The following JARID2 variants were observed in gnomAD, a reference collection of about 807,000 sequenced individuals.
The protein encoded by JARID2 is jumonji and AT-rich interaction domain containing 2, also known as protein Jumonji.
In JARID2, 21 loss-of-function variants were observed where a neutral mutation model predicts 125.6. The ratio of observed to expected loss-of-function variants is 0.17; its 90% CI spans 0.12 to 0.24. The LOEUF is 0.24. JARID2 is among the 10% of genes least tolerant of loss of function. The pLI, the probability that JARID2 is intolerant of heterozygous loss-of-function variation, is 1.00. For missense variants in JARID2, 1,303 were observed against 1,639.6 expected (o/e 0.79, Z 3.55); for synonymous variants, 736 against 661.6 (o/e 1.11, Z -1.73).
At chr6:15,491,778 G>A (rs1054943609) in intron 6 of JARID2, among the ~76,000 whole-genome samples, 1 of 152,114 alleles carries the variant, frequency 6.6e-6, no homozygotes, top group African/African-American at 2.4e-5. Context: ...CGGTGGTGGG[G>A]TGGAGAAAAA....
At chr6:15,284,158 C>G (rs1401138303) in intron 1 of JARID2, among the ~76,000 whole-genome samples, 3 of 152,078 alleles carry the variant, frequency 2.0e-5, no homozygotes, top group African/African-American at 4.8e-5. Context: ...AATTATCTTT[C>G]TTTTTATTAC....
At position 15,374,152 on chromosome 6, in the gene JARID2, G is replaced by C; in HGVS notation, c.81G>C (p.Arg27=). 1 of 1,614,140 alleles carries C rather than the reference G, an allele frequency of 6.2e-7. No individual in the cohort carries two copies. Among genetic ancestry groups the C allele is most frequent in the Non-Finnish European group, 8.5e-7 (1 of 1,179,974 alleles). Residue 27 remains arginine (R), a synonymous_variant, in exon 2 of 18, where the codon CGG becomes CGC. Coordinates refer to ENST00000341776, the MANE Select transcript of JARID2 (RefSeq NM_004973.4). ...ATGGGATTCCGTGGTCAGAAGAACG[G>C]GTGGTACGTAAAGTCCTTTATTTGT... ...DSDGIPWSEE[R]VVRKVLYLSL...
At chr6:15,285,376 C>G (rs145244762) in intron 1 of JARID2, among the ~76,000 whole-genome samples, 1 of 152,052 alleles carries the variant, frequency 6.6e-6, no homozygotes, top group African/African-American at 2.4e-5. Context: ...CCGCCTGCCT[C>G]GGCCTCCTAA....
chr6:15,340,844 T>G (rs1377370019), intron 1 of JARID2, among the ~76,000 whole-genome samples: 1 of 152,200 alleles, frequency 6.6e-6, no homozygotes, highest in East Asian at 1.9e-4. Context: ...TTATGACCTA[T>G]CTGAAGTCCT....
chr6:15,497,650 C>CA (rs67874437), intron 7 of JARID2, among the ~76,000 whole-genome samples: 3,823 of 133,430 alleles, frequency 0.029, 121 homozygotes, highest in African/African-American at 0.06. Flanking sequence ...GATTCCGTCT[C>CA]AAAAAAAAAA....
At chr6:15,473,898 CT>C (rs1231148516) in intron 5 of JARID2, among the ~76,000 whole-genome samples, 1 of 152,170 alleles carries the variant, frequency 6.6e-6, no homozygotes, top group Non-Finnish European at 1.5e-5. Flanking sequence ...ACTTGGAATG[CT>C]CCTCCGATTT....
intron 3 of JARID2, among the ~76,000 whole-genome samples, chr6:15,428,783 G>A (rs562384862): frequency 6.6e-6 from 1 of 152,108 alleles, no homozygotes; most frequent in East Asian, 1.9e-4. Flanking sequence ...GCACACACGT[G>A]TAATCCCAGC....
intron 1 of JARID2, among the ~76,000 whole-genome samples, chr6:15,286,566 T>C (rs62397317): frequency 6.6e-6 from 1 of 151,356 alleles, no homozygotes; most frequent in South Asian, 2.1e-4. Flanking sequence ...AGTGTTTCGA[T>C]TGAAATTTTG....
rs539724285 is a variant in JARID2 at position 15,317,170 on chromosome 6, A to G, written c.46-56947A>G. ...GCAGTAGAATTTTTTTTCATCAGAA[A>G]TAATTTCTTCCTGTCCCTCTGTGAA... On this transcript the variant is annotated intron_variant, in intron 1 of 17. Coordinates refer to ENST00000341776, the MANE Select transcript of JARID2 (RefSeq NM_004973.4). Among the ~76,000 whole-genome samples the G allele has an allele frequency of 2.0e-5, 3 of 152,324 alleles. No homozygotes were observed. In the South Asian group the frequency reaches 6.2e-4, roughly 32 times the overall value.
At chr6:15,304,453 T>A (rs1761748663) in intron 1 of JARID2, among the ~76,000 whole-genome samples, 1 of 152,006 alleles carries the variant, frequency 6.6e-6, no homozygotes, top group Admixed American at 6.6e-5. Flanking sequence ...TCCCAGTCCG[T>A]CCAAGTTGCA....
chr6:15,457,085 A>G (rs1384096064), intron 4 of JARID2, among the ~76,000 whole-genome samples: 2 of 152,074 alleles, frequency 1.3e-5, no homozygotes, highest in Non-Finnish European at 2.9e-5. Flanking sequence ...TTTTCCTGAA[A>G]TGATATTGCA....
At chr6:15,265,378 A>C (rs1042034343) in intron 1 of JARID2, among the ~76,000 whole-genome samples, 7 of 151,056 alleles carry the variant, frequency 4.6e-5, no homozygotes, top group South Asian at 2.1e-4. Context: ...AAAAAAAAAA[A>C]ACAAAAAAAA....
intron 1 of JARID2, among the ~76,000 whole-genome samples, chr6:15,313,544 G>A (rs1391880751): frequency 1.3e-5 from 2 of 152,330 alleles, no homozygotes; most frequent in East Asian, 3.9e-4. Flanking sequence ...AGCCAGGGTT[G>A]CTGTTCACAT....
At chr6:15,415,228 A>G (rs1441968980) in intron 3 of JARID2, among the ~76,000 whole-genome samples, 2 of 152,198 alleles carry the variant, frequency 1.3e-5, no homozygotes, top group African/African-American at 4.8e-5. Context: ...CTACACAGAC[A>G]TGGCAACCAT....
chr6:15,491,243 A>G (rs947705401), intron 6 of JARID2, among the ~76,000 whole-genome samples: 1 of 152,242 alleles, frequency 6.6e-6, no homozygotes, highest in Non-Finnish European at 1.5e-5. Context: ...TGACTCAGTT[A>G]CATTGCCTTC....
intron 1 of JARID2, among the ~76,000 whole-genome samples, chr6:15,254,947 C>T (rs1302041353): frequency 6.6e-6 from 1 of 151,058 alleles, no homozygotes; most frequent in Non-Finnish European, 1.5e-5. Flanking sequence ...AAGGCCGAGG[C>T]AGGAGAATTA....
chr6:15,279,148 A>G (rs11751391), intron 1 of JARID2, among the ~76,000 whole-genome samples: 15,343 of 134,902 alleles, frequency 0.11, 1,012 homozygotes, highest in South Asian at 0.2. Flanking sequence ...ATATATACAT[A>G]TATTCATATA....
chr6:15,418,641 T>C (rs989838137), intron 3 of JARID2, among the ~76,000 whole-genome samples: 2 of 151,964 alleles, frequency 1.3e-5, no homozygotes, highest in Non-Finnish European at 2.9e-5. Context: ...TGTAACTTTT[T>C]TGTTAAACAA....
At chr6:15,366,660 C>G (rs1561816648) in intron 1 of JARID2, among the ~76,000 whole-genome samples, 1 of 152,136 alleles carries the variant, frequency 6.6e-6, no homozygotes, top group East Asian at 1.9e-4. Context: ...ATGGCCCCAT[C>G]AATTCGAAGG....
Sources: allele counts gnomAD v4.1 joint callset (sites outside exome capture counted in the v4.1 genomes callset), GRCh38; gene constraint gnomAD v4.1.1; transcripts MANE v1.5; gene names NCBI Gene and HGNC (gene_info 2026-07-23, HGNC 2026-07-21).